Variants in RGS12 observed in about 807,000 individuals in gnomAD.
RGS12 encodes the protein regulator of G-protein signaling 12.
A neutral mutation model predicts 120.1 loss-of-function variants in RGS12; 66 were observed. The observed-to-expected ratio is 0.55, with a 90% CI of 0.45 to 0.67. RGS12 has a LOEUF of 0.67. Among genes scored for constraint, RGS12 ranks in the 30% least tolerant of loss-of-function variants. The pLI is 0.00. For missense variants in RGS12, 1,859 were observed against 1,957.7 expected (o/e 0.95, Z 0.95); for synonymous variants, 827 against 804.7 (o/e 1.03, Z -0.47).
intron 1 of RGS12, among the ~76,000 whole-genome samples, chr4:3,295,325 G>A (rs1328115113): frequency 6.6e-6 from 1 of 152,144 alleles, no homozygotes; most frequent in Non-Finnish European, 1.5e-5. Flanking sequence ...GGATCACATT[G>A]ACTTTGGACC....
chr4:3,349,817 C>T (rs1041636841), intron 3 of RGS12, among the ~76,000 whole-genome samples: 1 of 152,014 alleles, frequency 6.6e-6, no homozygotes, highest in African/African-American at 2.4e-5. Context: ...TTTAATAAGC[C>T]AAGAACAAAC....
intron 3 of RGS12, among the ~76,000 whole-genome samples, chr4:3,368,467 G>A (rs1716590743): frequency 7.2e-6 from 1 of 138,748 alleles, no homozygotes; most frequent in Non-Finnish European, 1.6e-5. Context: ...GCCTTTGTGT[G>A]TGGGGGTGCC....
At chr4:3,343,818 T>G (rs1475517775) in intron 3 of RGS12, among the ~76,000 whole-genome samples, 3 of 152,328 alleles carry the variant, frequency 2.0e-5, no homozygotes, top group African/African-American at 7.2e-5. Flanking sequence ...TTGGCATGTT[T>G]TAAAATTTTA....
chr4:3,413,787 G>A (rs971334490), intron 4 of RGS12: 17 of 398,132 alleles, frequency 4.3e-5, no homozygotes, highest in Non-Finnish European at 7.3e-5. Context: ...ATGAGTGTGC[G>A]TGCAAGGGTG....
intron 1 of RGS12, among the ~76,000 whole-genome samples, chr4:3,305,872 G>T (rs1723945251): frequency 6.6e-6 from 1 of 152,268 alleles, no homozygotes; most frequent in Non-Finnish European, 1.5e-5. Flanking sequence ...GCTTGCAGTT[G>T]AGTTGTTTTC....
intron 4 of RGS12, among the ~76,000 whole-genome samples, chr4:3,394,795 G>C (rs1442669005): frequency 6.6e-6 from 1 of 152,110 alleles, no homozygotes; most frequent in African/African-American, 2.4e-5. Context: ...AGCAGCCCAA[G>C]CGCCCCTGCA....
At chr4:3,368,489 T>G (rs1716598202) in intron 3 of RGS12, among the ~76,000 whole-genome samples, 1 of 110,584 alleles carries the variant, frequency 9.0e-6, no homozygotes, top group Admixed American at 9.9e-5. Flanking sequence ...GTGTGTGAGG[T>G]GCCTGTGTGT....
In RGS12 at chr4:3,380,394, G is replaced by A. The variant is rs149302842; in HGVS notation, c.1999-6022G>A. On this transcript the variant is annotated intron_variant, in intron 3 of 17. Transcript: ENST00000336727. ...AAGCTGTTGGTGGATCTACCATTTTGAGGTGTGGAGGAGGGTGGCCCTCTT... is the reference window on the plus strand; with the variant it reads ...AAGCTGTTGGTGGATCTACCATTTTAAGGTGTGGAGGAGGGTGGCCCTCTT... Among the ~76,000 whole-genome samples the A allele has an allele frequency of 8.0e-3, 1,220 of 152,322 alleles. 18 individuals carry two copies. Among genetic ancestry groups the A allele is most frequent in the African/African-American group, 0.028 (1,158 of 41,576 alleles).
chr4:3,298,908 A>G (rs1723524705), intron 1 of RGS12, among the ~76,000 whole-genome samples: 1 of 152,216 alleles, frequency 6.6e-6, no homozygotes, highest in South Asian at 2.1e-4. Flanking sequence ...AACACATACT[A>G]GCGGCTTTAA....
chr4:3,346,930 A>G (rs1033666221), intron 3 of RGS12, among the ~76,000 whole-genome samples: 3 of 152,184 alleles, frequency 2.0e-5, no homozygotes, highest in Non-Finnish European at 4.4e-5. Context: ...GAGATTCCAG[A>G]CAAGGCATTG....
chr4:3,431,952 T>C (rs1577106994), intron 17 of RGS12: 1 of 985,466 alleles, frequency 1.0e-6, no homozygotes, highest in East Asian at 1.1e-4. Context: ...TCTGGGCCTT[T>C]GGAGGCCACG....
In RGS12 at chr4:3,389,367, G is replaced by T. The variant is rs1719218453; in HGVS notation, c.2020+2930G>T. Among the ~76,000 whole-genome samples the T allele has an allele frequency of 6.6e-6, 1 of 152,162 alleles. No homozygotes were observed. Among genetic ancestry groups the T allele is most frequent in the Non-Finnish European group, 1.5e-5 (1 of 68,032 alleles). On this transcript the variant is annotated intron_variant, in intron 4 of 17. Coordinates refer to ENST00000336727, the MANE Select transcript of RGS12 (RefSeq NM_001394154.1). This position sits in a 1 kb window ranked among gnomAD's most constrained non-coding sequence, Gnocchi z 5.2. ...GAAGGAAGCACATTCTAGCATTATA[G>T]AGAGGCTTAGCAGGGGAATGGTCTG...
intron 17 of RGS12, among the ~76,000 whole-genome samples, chr4:3,436,816 G>A (rs1454961601): frequency 6.6e-6 from 1 of 152,194 alleles, no homozygotes; most frequent in African/African-American, 2.4e-5. Context: ...GGGGCCTCCA[G>A]CAGGACCCCC....
intron 4 of RGS12, among the ~76,000 whole-genome samples, chr4:3,393,504 C>G (rs1719715745): frequency 6.6e-6 from 1 of 152,074 alleles, no homozygotes. Flanking sequence ...TCTACCTGGG[C>G]CCCACCTTGT....
chr4:3,431,400 A>T (rs1724287582), intron 17 of RGS12: 4 of 1,007,078 alleles, frequency 4.0e-6, no homozygotes, highest in Non-Finnish European at 4.7e-6. Context: ...TCATAGCAGG[A>T]GAGGGCTCCC....
chr4:3,431,793 T>C, intron 17 of RGS12: 1 of 985,758 alleles, frequency 1.0e-6, no homozygotes, highest in African/African-American at 1.7e-5. Flanking sequence ...GGTTTGCTGC[T>C]GGGGGCGATG....
intron 1 of RGS12, among the ~76,000 whole-genome samples, chr4:3,310,173 T>A (rs1225545130): frequency 1.4e-5 from 2 of 138,892 alleles, no homozygotes; most frequent in Non-Finnish European, 3.0e-5. Context: ...GGAACTGTGT[T>A]GAGGAGGAGC....
intron 3 of RGS12, among the ~76,000 whole-genome samples, chr4:3,380,281 C>T (rs1718124729): frequency 6.6e-6 from 1 of 152,250 alleles, no homozygotes; most frequent in South Asian, 2.1e-4. Flanking sequence ...GCATCTCTGC[C>T]TCTTTGGCTT....
intron 17 of RGS12, among the ~76,000 whole-genome samples, chr4:3,438,323 C>G (rs1002559395): frequency 1.3e-5 from 2 of 152,018 alleles, no homozygotes; most frequent in African/African-American, 4.8e-5. Flanking sequence ...AACCTGCCCC[C>G]GAAGCCTGCT....
Sources: allele counts gnomAD v4.1 joint callset (sites outside exome capture counted in the v4.1 genomes callset), GRCh38; gene constraint gnomAD v4.1.1; non-coding constraint Gnocchi (gnomAD v3.1); transcripts MANE v1.5; gene names NCBI Gene and HGNC (gene_info 2026-07-23, HGNC 2026-07-21).